WNK2: variants seen among roughly 807,000 people sequenced by gnomAD.
WNK2 encodes the protein serine/threonine-protein kinase WNK2.
In WNK2, 67 loss-of-function variants were observed where a neutral mutation model predicts 192.1. The ratio of observed to expected loss-of-function variants is 0.35; its 90% CI spans 0.29 to 0.43. The LOEUF is 0.43. Ranked by LOEUF, WNK2 falls within the 20% of genes least tolerant of loss-of-function variation. WNK2 has a pLI of 1.00. For synonymous variants in WNK2, 1,439 were observed against 1,393.9 expected (o/e 1.03, Z -0.72); for missense variants, 2,698 against 3,089.7 (o/e 0.87, Z 3.01).
intron 2 of WNK2, among the ~76,000 whole-genome samples, chr9:93,197,053 C>T (rs1831396729): frequency 6.6e-6 from 1 of 152,226 alleles, no homozygotes. Context: ...CCTGGCAAAG[C>T]TTTTTCCTCT....
rs947278762 is a variant in WNK2, at chr9:93,229,214, A to G, written c.682-482A>G. Among the ~76,000 whole-genome samples the G allele has an allele frequency of 6.6e-6, 1 of 151,674 alleles. No homozygotes were observed. The highest frequency in any genetic ancestry group is 1.5e-5 in the Non-Finnish European group (1 of 67,700). Reference sequence around the variant, plus strand: ...GCTGACTGGTCAGTTTGGCTCTGCTAGGGCTTTTCTCTTCCCTCCATTCTC... The same window carrying G: ...GCTGACTGGTCAGTTTGGCTCTGCTGGGGCTTTTCTCTTCCCTCCATTCTC... On this transcript the variant is annotated intron_variant, in intron 2 of 29. Transcript: ENST00000427277. This position sits in a 1 kb window ranked among gnomAD's most constrained non-coding sequence, Gnocchi z 4.9.
intron 5 of WNK2, among the ~76,000 whole-genome samples, chr9:93,235,456 C>A (rs1328682892): frequency 3.9e-5 from 6 of 152,266 alleles, no homozygotes; most frequent in African/African-American, 1.4e-4. Flanking sequence ...AGGCAGTCGT[C>A]AGCGCCAGGC....
rs142929082 is a variant in WNK2 at position 93,317,539 on chromosome 9, G to C, written c.6536G>C (p.Gly2179Ala). Residue 2179 changes from glycine to alanine, a missense_variant, in exon 29 of 30, where the codon GGA (glycine) becomes GCA (alanine). By Grantham distance (60) the Gly-to-Ala change is moderately conservative (BLOSUM62 0). This residue lies in a region of WNK2 where 167 missense variants were observed against 184.2 expected (regional missense o/e 0.91). Transcript: ENST00000427277. The stretch of plus-strand genomic sequence containing the variant: ...TTGTAGATGACCGCACCTCGAGCAG[G>C]AGTGGGGATGCCACGTCTGCCCCCA... ...EARAMTAPRAGVGMPRLPPAP... is the reference protein window; with the variant it reads ...EARAMTAPRAAVGMPRLPPAP... 1 of 1,613,622 alleles carries C rather than the reference G, an allele frequency of 6.2e-7. No individual in the cohort carries two copies. The highest frequency in any genetic ancestry group is 8.5e-7 in the Non-Finnish European group (1 of 1,179,874).
At chr9:93,309,547 G>T (rs1334944839) in intron 28 of WNK2, among the ~76,000 whole-genome samples, 2 of 152,034 alleles carry the variant, frequency 1.3e-5, no homozygotes, top group African/African-American at 4.8e-5. Context: ...CCATTTGCAG[G>T]ATTTACAGTG....
chr9:93,289,666 C>T (rs376766845), intron 20 of WNK2, 46 bp downstream of exon 20: 37 of 1,422,712 alleles, frequency 2.6e-5, no homozygotes, highest in Middle Eastern at 2.6e-4. Context: ...GGTCAGGGGC[C>T]GGAGCCCGGG....
intron 2 of WNK2, among the ~76,000 whole-genome samples, chr9:93,188,046 C>A (rs554263400): frequency 6.6e-6 from 1 of 152,094 alleles, no homozygotes; most frequent in Non-Finnish European, 1.5e-5. Context: ...TGACCGCTAG[C>A]ATTCTGGGCA....
chr9:93,287,325 C>T (rs1848594237), intron 19 of WNK2, among the ~76,000 whole-genome samples: 1 of 152,164 alleles, frequency 6.6e-6, no homozygotes, highest in Non-Finnish European at 1.5e-5. Flanking sequence ...ACCAGCAGCT[C>T]CCCAGTGGCG....
intron 12 of WNK2, among the ~76,000 whole-genome samples, chr9:93,261,405 G>A (rs1161288548): frequency 6.6e-6 from 1 of 152,184 alleles, no homozygotes; most frequent in African/African-American, 2.4e-5. Flanking sequence ...CCAGGAGGCG[G>A]CAGGTGTCAG....
chr9:93,256,834 G>T (rs776963637), intron 10 of WNK2, 114 bp from the exon 11 acceptor site: 5 of 949,624 alleles, frequency 5.3e-6, no homozygotes, highest in African/African-American at 3.3e-5. Flanking sequence ...GTGAATGTGA[G>T]CATGTGCGTG....
chr9:93,297,707 C>T (rs1253802843), intron 23 of WNK2, 146 bp from the exon 24 acceptor site: 19 of 751,482 alleles, frequency 2.5e-5, no homozygotes, highest in South Asian at 1.7e-4. Flanking sequence ...CCCTGTGTGC[C>T]GCTTTAGAGT....
chr9:93,224,661 T>A (rs1837506023), intron 2 of WNK2, among the ~76,000 whole-genome samples: 1 of 152,156 alleles, frequency 6.6e-6, no homozygotes, highest in South Asian at 2.1e-4. Context: ...AAGTCTTTTG[T>A]CATCTGATTG....
intron 9 of WNK2, 76 bp from the exon 10 acceptor site, chr9:93,256,223 G>T (rs563243637): frequency 7.2e-7 from 1 of 1,398,294 alleles, no homozygotes; most frequent in South Asian, 1.6e-5. Flanking sequence ...ATGACATGAG[G>T]CTACCCTGCC....
intron 10 of WNK2, 188 bp downstream of exon 10, chr9:93,256,642 T>C: frequency 1.8e-6 from 1 of 563,902 alleles, no homozygotes; most frequent in Non-Finnish European, 2.9e-6. Flanking sequence ...TGTGTGTACG[T>C]GTGTGTGTGT....
At chr9:93,317,830 C>T (rs1855000070) in intron 29 of WNK2, 199 bp downstream of exon 29, 1 of 1,501,876 alleles carries the variant, frequency 6.7e-7, no homozygotes. Flanking sequence ...ATGCCTGGCC[C>T]CCGGCTGCGG....
chr9:93,234,366 G>A (rs372248677), intron 4 of WNK2, among the ~76,000 whole-genome samples: 2 of 152,210 alleles, frequency 1.3e-5, no homozygotes, highest in South Asian at 4.1e-4. Context: ...ACATTTAGGG[G>A]TTTTGTGGCT....
At position 93,306,712 on chromosome 9, in the gene WNK2, C is replaced by CTTA. The variant is rs774044083; in HGVS notation, c.6215-65_6215-64insTTA. The stretch of plus-strand genomic sequence containing the variant: ...TGACGACTTTTGCTTAGTGTGGTAG[C>CTTA]GTGTCCCAGTGTGTGCTGTTCTGCC... On this transcript the variant is annotated intron_variant, in intron 26 of 29. Coordinates refer to ENST00000427277, the MANE Select transcript of WNK2 (RefSeq NM_006648.4). The CTTA allele has an allele frequency of 6.7e-5, 106 of 1,593,020 alleles. No homozygotes were observed. The East Asian group carries it at 7.4e-4, about 11-fold the overall frequency.
chr9:93,266,102 A>C (rs1845122505), intron 16 of WNK2, among the ~76,000 whole-genome samples: 1 of 152,194 alleles, frequency 6.6e-6, no homozygotes, highest in African/African-American at 2.4e-5. Flanking sequence ...TCCTCCTCAC[A>C]GCCCATTCCT....
chr9:93,232,448 C>T (rs1269834755), intron 4 of WNK2, among the ~76,000 whole-genome samples: 1 of 152,158 alleles, frequency 6.6e-6, no homozygotes, highest in Non-Finnish European at 1.5e-5. Context: ...GAGCCCATGC[C>T]CAGGGCTTTG....
rs753795828 is a variant in WNK2, at chr9:93,247,753, G to A, written c.1753G>A (p.Gly585Arg). 1.1e-5 allele frequency: 17 copies of A among 1,553,220 alleles called. No individual in the cohort carries two copies. The highest frequency in any genetic ancestry group is 2.4e-5 in the East Asian group (1 of 41,200). ...VTYHAQAGQP[G>R]PPEPEEPEAD... The stretch of plus-strand genomic sequence containing the variant: ...CTACCATGCACAGGCTGGGCAGCCC[G>A]GGCCACCAGAGCCCGAGGAGCCGGA... The change falls in exon 8 of 30, where the codon GGG becomes AGG. Residue 585 changes from glycine to arginine, a missense_variant. Physicochemically the swap from Gly to Arg is moderately radical, Grantham distance 125. This residue lies in a region of WNK2 where 893 missense variants were observed against 909.0 expected (regional missense o/e 0.98). Coordinates refer to ENST00000427277, the MANE Select transcript of WNK2 (RefSeq NM_006648.4). This position sits in a 1 kb window ranked among gnomAD's most constrained non-coding sequence, Gnocchi z 5.2.
Sources: gnomAD v4.1 joint callset for allele counts (sites outside exome capture counted in the v4.1 genomes callset) on GRCh38, gnomAD v4.1.1 for gene constraint, gnomAD v4.1.1 regional missense constraint, Gnocchi (gnomAD v3.1) non-coding constraint, MANE v1.5 for transcripts, NCBI Gene and HGNC (gene_info 2026-07-23, HGNC 2026-07-21) for gene names.